The following NRG1 variants were observed in gnomAD, a reference collection of about 807,000 sequenced individuals.
The protein encoded by NRG1 is neuregulin 1, also known as pro-neuregulin-1, membrane-bound isoform.
NRG1 carries 18 observed loss-of-function variants against 63.8 expected under a neutral mutation model. That is an observed-to-expected ratio of 0.28 (90% CI 0.19 to 0.42). The LOEUF (loss-of-function observed/expected upper bound fraction) is 0.42. Ranked by LOEUF, NRG1 falls within the 10% of genes least tolerant of loss-of-function variation. The probability of loss-of-function intolerance (pLI) is 1.00; values close to 1 mark genes in which losing one functional copy is unlikely to be tolerated. For missense variants in NRG1, 762 were observed against 814.7 expected (o/e 0.94, Z 0.79); for synonymous variants, 302 against 301.3 (o/e 1.00, Z -0.02).
chr8:32,381,672 CAAAT>C (rs1158975277), intron 1 of NRG1, among the ~76,000 whole-genome samples: 3 of 151,980 alleles, frequency 2.0e-5, no homozygotes, highest in Non-Finnish European at 2.9e-5. Flanking sequence ...AATATTAAGA[CAAAT>C]AAAGAATGAC....
At chr8:31,684,186 T>C (rs547709933) in intron 1 of NRG1, among the ~76,000 whole-genome samples, 2 of 152,326 alleles carry the variant, frequency 1.3e-5, no homozygotes, top group African/African-American at 2.4e-5. Flanking sequence ...GGAGAGGGAC[T>C]GCTATGGCTT....
chr8:31,738,173 C>G (rs1814884154), intron 1 of NRG1, among the ~76,000 whole-genome samples: 2 of 152,122 alleles, frequency 1.3e-5, no homozygotes, highest in South Asian at 4.1e-4. Context: ...TAACCAAAGT[C>G]CTCATAGCGG....
intron 1 of NRG1, among the ~76,000 whole-genome samples, chr8:32,185,118 A>G (rs1490063986): frequency 6.6e-6 from 1 of 152,156 alleles, no homozygotes; most frequent in African/African-American, 2.4e-5. Flanking sequence ...TTCTTACTCC[A>G]CACTCCCGTG....
intron 1 of NRG1, among the ~76,000 whole-genome samples, chr8:31,925,538 A>T (rs1050232950): frequency 1.3e-5 from 2 of 151,998 alleles, no homozygotes; most frequent in Non-Finnish European, 2.9e-5. Context: ...CTTGGCCTGG[A>T]TATACTCAAA....
intron 1 of NRG1, among the ~76,000 whole-genome samples, chr8:32,048,704 G>A (rs570822903): frequency 1.8e-4 from 28 of 151,612 alleles, no homozygotes; most frequent in Middle Eastern, 3.4e-3. Flanking sequence ...GTTAATTTGC[G>A]TTTATCCAGT....
At chr8:32,532,728 T>C (rs1831577368) in intron 1 of NRG1, among the ~76,000 whole-genome samples, 1 of 152,054 alleles carries the variant, frequency 6.6e-6, no homozygotes, top group Non-Finnish European at 1.5e-5. Context: ...TCATGGAGAT[T>C]TGTTTTTAAA....
chr8:32,516,314 T>G (rs1829820951), intron 1 of NRG1, among the ~76,000 whole-genome samples: 1 of 152,224 alleles, frequency 6.6e-6, no homozygotes, highest in Non-Finnish European at 1.5e-5. Context: ...ATTACCATGC[T>G]GTTTTTGTTA....
At chr8:32,408,721 A>G (rs1019088696) in intron 1 of NRG1, among the ~76,000 whole-genome samples, 20 of 152,232 alleles carry the variant, frequency 1.3e-4, no homozygotes, top group Non-Finnish European at 2.6e-4. Flanking sequence ...ATAAACAAGA[A>G]GGCTGGGTTT....
chr8:32,461,726 T>A (rs2129489149), intron 1 of NRG1, among the ~76,000 whole-genome samples: 1 of 152,208 alleles, frequency 6.6e-6, no homozygotes, highest in Admixed American at 6.6e-5. Flanking sequence ...AGAGAAGATA[T>A]CCTAGAACTA....
intron 5 of NRG1, among the ~76,000 whole-genome samples, chr8:32,677,603 G>A (rs1361822855): frequency 6.6e-6 from 1 of 152,040 alleles, no homozygotes; most frequent in Non-Finnish European, 1.5e-5. Context: ...GTTGCACTGA[G>A]CTGAGATCAT....
chr8:32,772,069 ATATATATATATATATATAT>A (rs2129067370), downstream of NRG1, among the ~76,000 whole-genome samples: 1 of 12,294 alleles, frequency 8.1e-5, no homozygotes, highest in East Asian at 8.2e-4. Context: ...ATATATATAT[ATATATATATATATATATAT>A]AAAATCCCAC....
rs578244592 is a variant in NRG1, at chr8:32,697,214, C to T, written c.503-30735C>T. Among the ~76,000 whole-genome samples the T allele has an allele frequency of 7.2e-5, 11 of 152,256 alleles. No individual in the cohort carries two copies. The South Asian group carries it at 1.5e-3, about 20-fold the overall frequency. On this transcript the variant is annotated intron_variant, in intron 5 of 11. Coordinates refer to ENST00000356819, the Ensembl canonical transcript of NRG1. ...AGTCAGCTATTCTGTTGGAGAATCC[C>T]TAGGTTACATCAGAGAAGATAGCCG...
chr8:32,555,623 C>T (rs997626817), intron 1 of NRG1, among the ~76,000 whole-genome samples: 9 of 152,172 alleles, frequency 5.9e-5, no homozygotes, highest in Admixed American at 3.3e-4. Context: ...AGGCGCCCAC[C>T]ACCACGCCCG....
Position 32,372,308 on chromosome 8 carries a change from T to C in NRG1, c.38-223520T>C, listed in dbSNP as rs192746638. ...CCCAGCGCTGTTTACTGAAATTTTT[T>C]TTTTTATGATTCTGACTATAGCTTT... On this transcript the variant is annotated intron_variant, in intron 1 of 10. Transcript: ENST00000519301. Among the ~76,000 whole-genome samples, 181 of 152,118 alleles carry C rather than the reference T, an allele frequency of 1.2e-3. 1 individual carries two copies. Among genetic ancestry groups the C allele is most frequent in the African/African-American group, 4.3e-3 (178 of 41,496 alleles).
At chr8:31,992,525 A>G (rs925068755) in intron 1 of NRG1, among the ~76,000 whole-genome samples, 4 of 152,028 alleles carry the variant, frequency 2.6e-5, no homozygotes, top group African/African-American at 9.7e-5. Flanking sequence ...GAGAGCAACT[A>G]GAGTTGAAAG....
intron 2 of NRG1, among the ~76,000 whole-genome samples, chr8:32,603,714 A>G (rs1240662016): frequency 6.6e-6 from 1 of 152,052 alleles, no homozygotes; most frequent in African/African-American, 2.4e-5. Context: ...TGACCTCGTG[A>G]TCTGTCTTCC....
In NRG1 at chr8:31,947,969, A is replaced by AC. The variant is rs1355966102; in HGVS notation, c.37+308538_37+308539insC. ...CAAAAAAAAAAAAAAAAAAAAAAAAAAAACTACTACTTATCAAGGAATGTT... is the reference window on the plus strand; with the variant it reads ...CAAAAAAAAAAAAAAAAAAAAAAAAACAAACTACTACTTATCAAGGAATGTT... On this transcript the variant is annotated intron_variant, in intron 1 of 10. Coordinates refer to the NRG1 transcript ENST00000519301. Among the ~76,000 whole-genome samples the AC allele has an allele frequency of 9.8e-4, 147 of 150,496 alleles. 2 individuals carry two copies. The highest frequency in any genetic ancestry group is 3.4e-3 in the African/African-American group (139 of 40,882).
intron 1 of NRG1, among the ~76,000 whole-genome samples, chr8:32,178,961 T>C (rs534770557): frequency 3.1e-4 from 47 of 152,130 alleles, no homozygotes; most frequent in African/African-American, 1.1e-3. Flanking sequence ...ATCTCGATTC[T>C]CAATGCCATG....
At chr8:32,350,494 G>A (rs898330549) in intron 1 of NRG1, among the ~76,000 whole-genome samples, 1 of 152,032 alleles carries the variant, frequency 6.6e-6, no homozygotes, top group Non-Finnish European at 1.5e-5. Context: ...GATGGACCTT[G>A]GCTTATATTT....
Sources: gnomAD v4.1 joint callset for allele counts (sites outside exome capture counted in the v4.1 genomes callset) on GRCh38, gnomAD v4.1.1 for gene constraint, MANE v1.5 for transcripts, NCBI Gene and HGNC (gene_info 2026-07-23, HGNC 2026-07-21) for gene names.